ZNF486: variants seen among roughly 807,000 people sequenced by gnomAD.
ZNF486 encodes the protein zinc finger protein 486, also known as KRAB box only protein 2.
ZNF486 carries 12 observed loss-of-function variants against 12.8 expected under a neutral mutation model. That is an observed-to-expected ratio of 0.94 (90% CI 0.60 to 1.52). The LOEUF is 1.52. ZNF486 is among the 40% of genes most tolerant of loss of function. The probability of loss-of-function intolerance (pLI) is 0.00; values close to 1 mark genes in which losing one functional copy is unlikely to be tolerated. For synonymous variants in ZNF486, 231 were observed against 184.9 expected, an observed-to-expected ratio of 1.25 and a Z score of -2.02; for missense variants, 738 against 545.0, an observed-to-expected ratio of 1.35 and a Z score of -3.53.
rs1555718615 is a variant in ZNF486, at chr19:20,199,601, A to G, written c.*1499A>G. The G allele has an allele frequency of 6.6e-6, 1 of 151,274 alleles. No homozygotes were observed. Among genetic ancestry groups the G allele is most frequent in the Non-Finnish European group, 1.5e-5 (1 of 67,882 alleles). 9.4% of individuals were successfully genotyped at this position (151,274 alleles called of 1,614,324 possible). ...TAAAATTAGCCATGCATGGTGGCAC[A>G]TGCCTGTAATCCCAGCTACTCAGGA... On this transcript the variant is annotated 3_prime_UTR_variant, in exon 4 of 4. Coordinates refer to ENST00000335117, the MANE Select transcript of ZNF486 (RefSeq NM_052852.4).
intron 3 of ZNF486, among the ~76,000 whole-genome samples, chr19:20,196,484 ATGACTGGCTAACTTT>A (rs2089959637): frequency 6.6e-6 from 1 of 152,128 alleles, no homozygotes; most frequent in East Asian, 1.9e-4. Flanking sequence ...GCCCATGACC[ATGACTGGCTAACTTT>A]TTGTAATTTT....
At chr19:20,167,885 GAAGTTGTAAAA>G (rs1237759069) in intron 1 of ZNF486, among the ~76,000 whole-genome samples, 2 of 152,012 alleles carry the variant, frequency 1.3e-5, no homozygotes, top group African/African-American at 2.4e-5. Context: ...TTCCTGATCA[GAAGTTGTAAAA>G]GTTGTAAAAC....
intron 1 of ZNF486, among the ~76,000 whole-genome samples, chr19:20,170,329 G>C (rs1204216291): frequency 1.3e-5 from 2 of 152,060 alleles, no homozygotes; most frequent in East Asian, 3.9e-4. Flanking sequence ...TGTAATCCTA[G>C]CACCTTGGGA....
intron 1 of ZNF486, among the ~76,000 whole-genome samples, chr19:20,172,575 A>AT (rs1555714042): frequency 6.6e-6 from 1 of 151,788 alleles, no homozygotes; most frequent in African/African-American, 2.4e-5. Flanking sequence ...CTGGGATTAC[A>AT]TGCATGAGCC....
intron 1 of ZNF486, among the ~76,000 whole-genome samples, chr19:20,171,050 G>A (rs1568315575): frequency 6.6e-6 from 1 of 152,136 alleles, no homozygotes; most frequent in Non-Finnish European, 1.5e-5. Flanking sequence ...TTGTGGGACC[G>A]AGGGTCTATG....
rs375607146 is a variant in ZNF486, at chr19:20,197,842, T to C, written c.1132T>C (p.Tyr378His). Residue 378 changes from tyrosine (Y) to histidine (H), a missense_variant, in exon 4 of 4, where the codon TAC becomes CAC. Transcript: ENST00000335117. ...GATAATTCATACTGGAGAGAAACCA[T>C]ACAAATGTGAAGAATGTGGCAAAGC... ...HKIIHTGEKP[Y>H]KCEECGKAFT... 4 of 1,613,320 alleles carry C rather than the reference T, an allele frequency of 2.5e-6. No homozygotes were observed. The African/African-American group carries it at 5.4e-5, about 22-fold the overall frequency.
At chr19:20,184,571 G>T in intron 2 of ZNF486, 89 bp downstream of exon 2, 1 of 1,373,396 alleles carries the variant, frequency 7.3e-7, no homozygotes, top group South Asian at 1.6e-5. Flanking sequence ...TTTATCCTTT[G>T]CATAAAAGAG....
chr19:20,190,474 T>C (rs1224772942), intron 3 of ZNF486, among the ~76,000 whole-genome samples: 1 of 152,194 alleles, frequency 6.6e-6, no homozygotes, highest in East Asian at 1.9e-4. Context: ...AGCCTCAGCC[T>C]CCTGGGCTCA....
Position 20,197,258 on chromosome 19 carries a change from AAT to A in ZNF486, c.554_555del (p.Ile185ArgfsTer3). On this transcript the variant is annotated frameshift_variant, in exon 4 of 4. Transcript: ENST00000335117. LOFTEE classifies it low-confidence loss of function (END_TRUNC). ...AGACATACTGAAAAAAAACCTTTGA[AAT>A]ATATAGAAGGTGACAAAGCTTTTAA... is the stretch of plus-strand genomic sequence containing the variant. 6.2e-7 allele frequency: 1 copy of A among 1,611,724 alleles called. No individual in the cohort carries two copies. The highest frequency in any genetic ancestry group is 8.5e-7 in the Non-Finnish European group (1 of 1,179,422).
rs1555713158 is a variant in ZNF486, at chr19:20,167,355, G to T, written c.25G>T (p.Glu9Ter). The change falls in exon 1 of 4, where the codon GAA (glutamate) becomes TAA (stop). Residue 9 changes from glutamate (E) to a stop codon, truncating the protein, a stop_gained. Coordinates refer to ENST00000335117, the MANE Select transcript of ZNF486 (RefSeq NM_052852.4). LOFTEE classifies it high-confidence loss of function. Reference sequence around the variant, plus strand: ...GATGCCGGGACCCCTTAGAAGCCTAGAAATGGTGAGAGTGCCCATTGGACA... The same window carrying T: ...GATGCCGGGACCCCTTAGAAGCCTATAAATGGTGAGAGTGCCCATTGGACA... MPGPLRSL[E>*]MESLQFRDVA... is the part of the protein sequence containing the mutation. 1 of 1,613,840 alleles carries T rather than the reference G, an allele frequency of 6.2e-7. No individual in the cohort carries two copies. The highest frequency in any genetic ancestry group is 1.1e-5 in the South Asian group (1 of 91,056).
intron 1 of ZNF486, among the ~76,000 whole-genome samples, chr19:20,171,564 C>T (rs888817559): frequency 6.6e-6 from 1 of 152,220 alleles, no homozygotes; most frequent in African/African-American, 2.4e-5. Context: ...GTTTTCTCCA[C>T]CATCCTAGGA....
intron 1 of ZNF486, among the ~76,000 whole-genome samples, chr19:20,180,759 C>A (rs782717838): frequency 4.6e-5 from 7 of 152,012 alleles, no homozygotes; most frequent in Non-Finnish European, 1.0e-4. Flanking sequence ...CTCCTGACCT[C>A]GTGATCCACC....
At chr19:20,173,830 TC>T (rs1379203184) in intron 1 of ZNF486, among the ~76,000 whole-genome samples, 3 of 149,856 alleles carry the variant, frequency 2.0e-5, no homozygotes, top group Admixed American at 6.6e-5. Flanking sequence ...AGACTCCGTC[TC>T]AAAAAAAAAA....
intron 1 of ZNF486, chr19:20,175,151 T>A (rs58282899): frequency 2.6e-5 from 4 of 152,212 alleles, no homozygotes; most frequent in Non-Finnish European, 5.9e-5. Flanking sequence ...TTCTTCATAA[T>A]GCTCATGTTT....
At chr19:20,190,682 G>A (rs561148265) in intron 3 of ZNF486, among the ~76,000 whole-genome samples, 7 of 152,286 alleles carry the variant, frequency 4.6e-5, no homozygotes, top group East Asian at 3.9e-4. Flanking sequence ...ACTGCACCCC[G>A]TCAGTACTTT....
chr19:20,197,874 A>C lies in ZNF486; in HGVS notation c.1164A>C (p.Thr388=). ...GTGAAGAATGTGGCAAAGCCTTTAC[A>C]TGGTCTGCAGGCCTCCATAAACATA... ...YKCEECGKAF[T]WSAGLHKHRR... is the part of the protein sequence containing the mutation. Residue 388 remains threonine (T), a synonymous_variant, in exon 4 of 4, where the codon ACA becomes ACC. Transcript: ENST00000335117. The C allele has an allele frequency of 6.2e-7, 1 of 1,612,680 alleles. No individual in the cohort carries two copies. The highest frequency in any genetic ancestry group is 1.1e-5 in the South Asian group (1 of 90,994).
intron 3 of ZNF486, among the ~76,000 whole-genome samples, chr19:20,191,809 A>G (rs922465433): frequency 6.6e-6 from 1 of 152,090 alleles, no homozygotes; most frequent in Non-Finnish European, 1.5e-5. Context: ...ATGCAGTCTC[A>G]AGTATTCCTC....
Position 20,182,864 on chromosome 19 carries a change from G to A in ZNF486, c.31-1492G>A, listed in dbSNP as rs549279941. Among the ~76,000 whole-genome samples, 122 of 152,142 alleles carry A rather than the reference G, an allele frequency of 8.0e-4. 2 individuals are homozygous for A. The highest frequency in any genetic ancestry group is 6.8e-3 in the Middle Eastern group (2 of 294). On this transcript the variant is annotated intron_variant, in intron 1 of 3. Coordinates refer to ENST00000335117, the MANE Select transcript of ZNF486 (RefSeq NM_052852.4). ...TCAAGATGCAGGTGTAATTTTTCCA[G>A]AGAATCTCATCTGAGAAGGAATTCC...
In ZNF486 at chr19:20,200,404, A is replaced by T. The variant is rs1984288720; in HGVS notation, c.*2302A>T. 6.6e-6 allele frequency: 1 copy of T among 152,156 alleles called. No individual in the cohort carries two copies. Among genetic ancestry groups the T allele is most frequent in the African/African-American group, 2.4e-5 (1 of 41,436 alleles). The allele number at this position is 152,156 out of a possible 1,614,324, so 9.4% of individuals were successfully genotyped here. A position where few individuals can be genotyped will look rare whatever the true frequency, so the allele number is the denominator to read the frequency against. ...TTTCTACATTATAGTGCAAGAAATA[A>T]TTATTGATAAAAGTATATTAAACTA... On this transcript the variant is annotated 3_prime_UTR_variant, in exon 4 of 4. Transcript: ENST00000335117.
Sources: allele counts gnomAD v4.1 joint callset (sites outside exome capture counted in the v4.1 genomes callset), GRCh38; gene constraint gnomAD v4.1.1; transcripts MANE v1.5; gene names NCBI Gene and HGNC (gene_info 2026-07-23, HGNC 2026-07-21).